Variants in TTI1 observed in about 807,000 individuals in gnomAD.
The protein encoded by TTI1 is TELO2-interacting protein 1 homolog.
Under a neutral mutation model 85.4 loss-of-function variants are expected in TTI1, and 52 were observed. That is an observed-to-expected ratio of 0.61 (90% CI 0.49 to 0.77). The LOEUF is 0.77. Among genes scored for constraint, TTI1 ranks in the 30% least tolerant of loss-of-function variants. The pLI is 0.00. For synonymous variants in TTI1, 512 were observed against 503.9 expected, an observed-to-expected ratio of 1.02 and a Z score of -0.22; for missense variants, 1,173 against 1,296.0, an observed-to-expected ratio of 0.91 and a Z score of 1.46.
intron 1 of TTI1, among the ~76,000 whole-genome samples, chr20:38,024,984 C>T (rs1203521897): frequency 6.6e-6 from 1 of 152,112 alleles, no homozygotes; most frequent in African/African-American, 2.4e-5. Context: ...ACTGCCACAC[C>T]CACCCAGCAG....
intron 1 of TTI1, among the ~76,000 whole-genome samples, chr20:38,015,368 CCTAT>C (rs1395219723): frequency 1.3e-5 from 2 of 152,136 alleles, no homozygotes; most frequent in African/African-American, 2.4e-5. Context: ...TTGACTCTTC[CCTAT>C]CTCAGGCTAG....
In TTI1 at chr20:38,013,594, C is replaced by T. The variant is rs760715851; in HGVS notation, c.223G>A (p.Val75Met). The T allele has an allele frequency of 2.5e-6, 4 of 1,614,240 alleles. No individual in the cohort carries two copies. The highest frequency in any genetic ancestry group is 3.4e-6 in the Non-Finnish European group (4 of 1,180,048). ...GAAAGGACAAATGTGAGGCATTCCA[C>T]CACACTTTGGATCAAACGCTCTCTT... is the stretch of plus-strand genomic sequence containing the variant. ...PKRERLIQSV[V>M]ECLTFVLSST... Residue 75 changes from valine to methionine, a missense_variant, in exon 2 of 8, where the codon GTG (valine) becomes ATG (methionine). Coordinates refer to ENST00000373447, the MANE Select transcript of TTI1 (RefSeq NM_001303457.2).
chr20:38,020,701 CAT>C, intron 1 of TTI1, among the ~76,000 whole-genome samples: 1 of 152,032 alleles, frequency 6.6e-6, no homozygotes, highest in East Asian at 1.9e-4. Flanking sequence ...CCTGAATAGA[CAT>C]ATCACAAAAA....
rs1004373808 is a variant in TTI1, at chr20:38,013,188, A to G, written c.629T>C (p.Leu210Ser). 5 of 1,614,050 alleles carry G rather than the reference A, an allele frequency of 3.1e-6. No homozygotes were observed. Among genetic ancestry groups the G allele is most frequent in the Non-Finnish European group, 4.2e-6 (5 of 1,180,048 alleles). Reference sequence around the variant, plus strand: ...GGTCAGTGCAGTTGAGATTCCAGGTAAAAAAGAGGCAAACAAATCCCCCAG... The same window carrying G: ...GGTCAGTGCAGTTGAGATTCCAGGTGAAAAAGAGGCAAACAAATCCCCCAG... ...KQLGDLFASF[L>S]PGISTALTRL... is the part of the protein sequence containing the mutation. The change falls in exon 2 of 8, where the codon TTA (leucine) becomes TCA (serine). Residue 210 changes from leucine (L) to serine (S), a missense_variant. Leu to Ser is a moderately radical substitution (Grantham distance 145, BLOSUM62 -2). Coordinates refer to ENST00000373447, the MANE Select transcript of TTI1 (RefSeq NM_001303457.2).
rs778882606 is a variant in TTI1 at position 38,006,382 on chromosome 20, T to C, written c.2318A>G (p.Asp773Gly). 1.9e-6 allele frequency: 3 copies of C among 1,614,190 alleles called. No homozygotes were observed. Among genetic ancestry groups the C allele is most frequent in the East Asian group, 2.2e-5 (1 of 44,884 alleles). ...TTGGAGGTGCCCAAGATTACCTGTGTCTGGGAACCACTGGGCTGTAAATAA... is the reference window on the plus strand; with the variant it reads ...TTGGAGGTGCCCAAGATTACCTGTGCCTGGGAACCACTGGGCTGTAAATAA... Reference protein sequence around the residue: ...LMAALAQWFPDTGNLGHLQEQ... With the variant: ...LMAALAQWFPGTGNLGHLQEQ... Residue 773 changes from aspartate to glycine, a missense_variant, in exon 3 of 8, where the codon GAC (aspartate) becomes GGC (glycine). Physicochemically the swap from Asp to Gly is moderately conservative, Grantham distance 94. Transcript: ENST00000373447.
At chr20:37,983,698 A>T in intron 7 of TTI1, 59 bp from the exon 8 acceptor site, 3 of 1,386,326 alleles carry the variant, frequency 2.2e-6, no homozygotes, top group South Asian at 3.4e-5. Context: ...GGGGAATGCT[A>T]CAGCCCCAAC....
chr20:38,011,818 T>C lies in TTI1; in HGVS notation c.1999A>G (p.Ile667Val), dbSNP rs780394309. 1 of 1,614,190 alleles carries C rather than the reference T, an allele frequency of 6.2e-7. No individual in the cohort carries two copies. Among genetic ancestry groups the C allele is most frequent in the Middle Eastern group, 1.6e-4 (1 of 6,062 alleles). The change falls in exon 2 of 8, where the codon ATT becomes GTT. Residue 667 changes from isoleucine (I) to valine (V), a missense_variant. By Grantham distance (29) the Ile-to-Val change is conservative (BLOSUM62 3). Coordinates refer to ENST00000373447, the MANE Select transcript of TTI1 (RefSeq NM_001303457.2). Reference protein sequence around the residue: ...LEKAGDQTLLISQVATSTMMD... With the variant: ...LEKAGDQTLLVSQVATSTMMD... ...ATGGTGCTGGTAGCCACCTGACTAA[T>C]GAGTAGGGTTTGGTCTCCAGCCTTC...
chr20:38,004,621 G>A (rs1443164228), intron 3 of TTI1, among the ~76,000 whole-genome samples: 1 of 152,164 alleles, frequency 6.6e-6, no homozygotes, highest in Non-Finnish European at 1.5e-5. Flanking sequence ...AGCATGATAG[G>A]CCTGTGCTTT....
At chr20:38,027,825 G>A (rs1451586992) in intron 1 of TTI1, among the ~76,000 whole-genome samples, 1 of 152,184 alleles carries the variant, frequency 6.6e-6, no homozygotes, top group Admixed American at 6.5e-5. Context: ...TCAGGAGGCT[G>A]AGGTGGGAGA....
intron 1 of TTI1, among the ~76,000 whole-genome samples, chr20:38,025,556 C>G (rs367673249): frequency 6.7e-6 from 1 of 149,714 alleles, no homozygotes; most frequent in African/African-American, 2.5e-5. Context: ...GCAACAAGAG[C>G]GACACTCCAT....
intron 1 of TTI1, among the ~76,000 whole-genome samples, chr20:38,025,704 A>G (rs1347869122): frequency 6.6e-6 from 1 of 152,244 alleles, no homozygotes; most frequent in Non-Finnish European, 1.5e-5. Context: ...GCAATTATGA[A>G]TATACTTCAA....
At chr20:38,026,871 T>C (rs2073843165) in intron 1 of TTI1, among the ~76,000 whole-genome samples, 2 of 152,124 alleles carry the variant, frequency 1.3e-5, no homozygotes, top group Non-Finnish European at 2.9e-5. Context: ...GTAGAGAAAA[T>C]GTTTAAGACA....
In TTI1 at chr20:38,011,785, C is replaced by T. The variant is rs573059839; in HGVS notation, c.2032G>A (p.Val678Ile). 106 of 1,614,202 alleles carry T rather than the reference C, an allele frequency of 6.6e-5. 2 individuals carry two copies. The South Asian group carries it at 8.5e-4, about 13-fold the overall frequency. ...GAGTCGTAGCCACAAGCACGGCAAACGTCCATCATGGTGCTGGTAGCCACC... is the reference window on the plus strand; with the variant it reads ...GAGTCGTAGCCACAAGCACGGCAAATGTCCATCATGGTGCTGGTAGCCACC... ...SQVATSTMMDVCRACGYDSLQ... is the reference protein window; with the variant it reads ...SQVATSTMMDICRACGYDSLQ... The change falls in exon 2 of 8, where the codon GTT becomes ATT. Residue 678 changes from valine (V) to isoleucine (I), a missense_variant. Val to Ile is a conservative substitution (Grantham distance 29). Transcript: ENST00000373447.
rs759250865 is a variant in TTI1 at position 38,013,582 on chromosome 20, T to C, written c.235A>G (p.Thr79Ala). The C allele has an allele frequency of 9.3e-6, 15 of 1,614,196 alleles. No homozygotes were observed. The highest frequency in any genetic ancestry group is 2.2e-5 in the South Asian group (2 of 91,082). The change falls in exon 2 of 8, where the codon ACA (threonine) becomes GCA (alanine). Residue 79 changes from threonine to alanine, a missense_variant. Physicochemically the swap from Thr to Ala is moderately conservative, Grantham distance 58. Transcript: ENST00000373447. ...ACACATGTTGAAGAAAGGACAAATG[T>C]GAGGCATTCCACCACACTTTGGATC... The part of the protein sequence containing the change: ...RLIQSVVECL[T>A]FVLSSTCVKE...
chr20:38,011,090 G>A (rs990926032), intron 2 of TTI1, among the ~76,000 whole-genome samples: 10 of 152,082 alleles, frequency 6.6e-5, no homozygotes, highest in Admixed American at 5.2e-4. Context: ...AATAATTCAC[G>A]TTATATCTGT....
chr20:38,020,689 G>T (rs1600650766), intron 1 of TTI1, among the ~76,000 whole-genome samples: 1 of 151,658 alleles, frequency 6.6e-6, no homozygotes, highest in Non-Finnish European at 1.5e-5. Flanking sequence ...CATGAAAAAG[G>T]ACCTGAATAG....
At chr20:38,005,140 G>C (rs2073477862) in intron 3 of TTI1, among the ~76,000 whole-genome samples, 1 of 151,800 alleles carries the variant, frequency 6.6e-6, no homozygotes, top group South Asian at 2.1e-4. Context: ...TCTCACAGTG[G>C]AGATCACCAA....
At chr20:37,997,771 C>T (rs1213686166) in intron 5 of TTI1, among the ~76,000 whole-genome samples, 1 of 152,120 alleles carries the variant, frequency 6.6e-6, no homozygotes. Flanking sequence ...ATCGTGTCTG[C>T]GCATGGGGAA....
intron 1 of TTI1, among the ~76,000 whole-genome samples, 184 bp downstream of exon 1, chr20:38,033,220 G>A (rs890323282): frequency 6.6e-6 from 1 of 152,160 alleles, no homozygotes; most frequent in Non-Finnish European, 1.5e-5. Context: ...TAAGTGTTTT[G>A]GGGGACAGCC....
Sources: gnomAD v4.1 joint callset for allele counts (sites outside exome capture counted in the v4.1 genomes callset) on GRCh38, gnomAD v4.1.1 for gene constraint, MANE v1.5 for transcripts, NCBI Gene and HGNC (gene_info 2026-07-23, HGNC 2026-07-21) for gene names.